The following DGKB variants were observed in gnomAD, a reference collection of about 807,000 sequenced individuals.
DGKB encodes the protein diacylglycerol kinase beta.
DGKB carries 67 observed loss-of-function variants against 114.3 expected under a neutral mutation model. That is an observed-to-expected ratio of 0.59 (90% CI 0.48 to 0.72). The LOEUF is 0.72. Ranked by LOEUF, DGKB falls within the 30% of genes least tolerant of loss-of-function variation. The probability of loss-of-function intolerance (pLI) is 0.00; values close to 1 mark genes in which losing one functional copy is unlikely to be tolerated. For synonymous variants in DGKB, 398 were observed against 323.1 expected, an observed-to-expected ratio of 1.23 and a Z score of -2.49; for missense variants, 907 against 975.2, an observed-to-expected ratio of 0.93 and a Z score of 0.93.
intron 25 of DGKB, among the ~76,000 whole-genome samples, chr7:14,171,470 T>C (rs1780984135): frequency 6.6e-6 from 1 of 152,206 alleles, no homozygotes; most frequent in Non-Finnish European, 1.5e-5. Context: ...TGCCTATTAA[T>C]ATTTCAAATA....
chr7:14,364,651 T>A (rs1008284282), intron 21 of DGKB, among the ~76,000 whole-genome samples: 1 of 152,008 alleles, frequency 6.6e-6, no homozygotes. Context: ...GATTTAACAA[T>A]CATATAATAA....
At chr7:14,800,310 A>C (rs1193859399) in intron 2 of DGKB, among the ~76,000 whole-genome samples, 5 of 152,200 alleles carry the variant, frequency 3.3e-5, no homozygotes, top group Admixed American at 3.3e-4. Context: ...AAGGGTACAA[A>C]GTATTAATCC....
At chr7:14,908,980 C>T (rs1183917214) in intron 1 of DGKB, among the ~76,000 whole-genome samples, 1 of 152,006 alleles carries the variant, frequency 6.6e-6, no homozygotes, top group Non-Finnish European at 1.5e-5. Context: ...AGTAAGGATG[C>T]ATTTCTTCAA....
At chr7:14,672,731 C>G (rs189148664) in intron 13 of DGKB, among the ~76,000 whole-genome samples, 198 bp downstream of exon 13, 4 of 152,128 alleles carry the variant, frequency 2.6e-5, no homozygotes, top group Admixed American at 2.0e-4. Flanking sequence ...GCATATCGTT[C>G]TAGAAAGCGT....
At chr7:14,565,205 G>A (rs1010705292) in intron 20 of DGKB, among the ~76,000 whole-genome samples, 4 of 152,038 alleles carry the variant, frequency 2.6e-5, no homozygotes, top group Non-Finnish European at 5.9e-5. Flanking sequence ...CCACCATTAT[G>A]TAACAAAGTC....
intron 10 of DGKB, 26 bp downstream of exon 10, chr7:14,685,219 T>A: frequency 1.4e-6 from 2 of 1,466,384 alleles, no homozygotes; most frequent in African/African-American, 2.8e-5. Context: ...GAGGAGATGA[T>A]GTCCAGGCAG....
At chr7:14,172,903 C>T (rs1003803845) in intron 25 of DGKB, among the ~76,000 whole-genome samples, 1 of 152,048 alleles carries the variant, frequency 6.6e-6, no homozygotes, top group African/African-American at 2.4e-5. Context: ...AACATATTGA[C>T]TACAGAATCA....
intron 1 of DGKB, among the ~76,000 whole-genome samples, chr7:14,859,504 A>G (rs1850667625): frequency 6.6e-6 from 1 of 152,144 alleles, no homozygotes. Flanking sequence ...ACTGCACTCT[A>G]TAGAATGTGC....
intron 1 of DGKB, among the ~76,000 whole-genome samples, chr7:14,884,643 G>A (rs969414995): frequency 6.6e-6 from 1 of 151,726 alleles, no homozygotes; most frequent in Non-Finnish European, 1.5e-5. Flanking sequence ...ACCTTCAGAG[G>A]GGAAAAATAA....
chr7:14,373,602 C>G (rs1220392196), intron 21 of DGKB, among the ~76,000 whole-genome samples: 3 of 152,018 alleles, frequency 2.0e-5, no homozygotes, highest in African/African-American at 7.3e-5. Context: ...AAGAATAAAG[C>G]CCATGAAAAA....
At chr7:14,753,150 A>C (rs1269572864) in intron 4 of DGKB, among the ~76,000 whole-genome samples, 5 of 152,202 alleles carry the variant, frequency 3.3e-5, no homozygotes, top group Non-Finnish European at 7.3e-5. Context: ...GGCTGTTGTC[A>C]TTAAAAGCAT....
At chr7:14,857,279 T>TGTGTGTGTGTGTG (rs1586950183) in intron 1 of DGKB, among the ~76,000 whole-genome samples, 2 of 151,402 alleles carry the variant, frequency 1.3e-5, no homozygotes, top group African/African-American at 4.9e-5. Context: ...TGTGTGTGTG[T>TGTGTGTGTGTGTG]TGCTGGCACT....
At chr7:14,484,098 T>G (rs2128918232) in intron 20 of DGKB, among the ~76,000 whole-genome samples, 2 of 152,110 alleles carry the variant, frequency 1.3e-5, no homozygotes, top group Middle Eastern at 6.8e-3. Context: ...TCCATGGTTA[T>G]TTTGATCCTC....
chr7:14,460,542 C>T (rs1384655206), intron 21 of DGKB, among the ~76,000 whole-genome samples: 1 of 151,902 alleles, frequency 6.6e-6, no homozygotes, highest in Non-Finnish European at 1.5e-5. Flanking sequence ...ATCAATCCAC[C>T]AAGAAGAGCT....
intron 9 of DGKB, among the ~76,000 whole-genome samples, chr7:14,686,079 T>C (rs1037986188): frequency 3.3e-5 from 5 of 152,280 alleles, no homozygotes; most frequent in African/African-American, 1.2e-4. Context: ...GGTAAAAATA[T>C]TAAAACTGTA....
chr7:14,940,648 A>G, intron 1 of DGKB, among the ~76,000 whole-genome samples: 1 of 152,126 alleles, frequency 6.6e-6, no homozygotes, highest in East Asian at 1.9e-4. Flanking sequence ...AATAAGGCCA[A>G]ATTGGAAAGA....
intron 20 of DGKB, among the ~76,000 whole-genome samples, chr7:14,543,762 T>C (rs1793857113): frequency 6.6e-6 from 1 of 152,138 alleles, no homozygotes; most frequent in Admixed American, 6.5e-5. Context: ...AATTTAAAAA[T>C]CAAGACACTG....
In DGKB at chr7:14,469,903, T is replaced by C. The variant is rs150443908; in HGVS notation, c.1835+8258A>G. Among the ~76,000 whole-genome samples the C allele has an allele frequency of 5.9e-5, 9 of 151,992 alleles. No homozygotes were observed. The South Asian group carries it at 1.7e-3, about 28-fold the overall frequency. On this transcript the variant is annotated intron_variant, in intron 21 of 25. Coordinates refer to ENST00000402815, the MANE Select transcript of DGKB (RefSeq NM_001350709.2). The stretch of plus-strand genomic sequence containing the variant: ...GTATACAAATATATAAATCGATGCA[T>C]CACAAATACATATATGTATACACAT...
intron 1 of DGKB, among the ~76,000 whole-genome samples, chr7:14,849,398 C>T (rs1245624628): frequency 3.3e-5 from 5 of 152,036 alleles, no homozygotes; most frequent in East Asian, 1.9e-4. Context: ...AGGACGGTTT[C>T]ACCCTTCTAG....
Sources: allele counts gnomAD v4.1 joint callset (sites outside exome capture counted in the v4.1 genomes callset), GRCh38; gene constraint gnomAD v4.1.1; transcripts MANE v1.5; gene names NCBI Gene and HGNC (gene_info 2026-07-23, HGNC 2026-07-21).